ARHGEF10: variants seen among roughly 807,000 people sequenced by gnomAD.
ARHGEF10 encodes Rho guanine nucleotide exchange factor (GEF) 10.
ARHGEF10 carries 140 observed loss-of-function variants against 147.4 expected under a neutral mutation model. The observed-to-expected ratio is 0.95, with a 90% confidence interval of 0.83 to 1.09. The LOEUF (loss-of-function observed/expected upper bound fraction) is 1.09. Among genes scored for constraint, ARHGEF10 ranks in the 50% least tolerant of loss-of-function variants. The pLI, the probability that ARHGEF10 is intolerant of heterozygous loss-of-function variation, is 0.00. For synonymous variants in ARHGEF10, 902 were observed against 695.8 expected (o/e 1.30, Z -4.67); for missense variants, 2,222 against 1,752.7 (o/e 1.27, Z -4.78).
upstream of ARHGEF10, among the ~76,000 whole-genome samples, chr8:1,823,449 T>G (rs188342527): frequency 0.31 from 46,001 of 149,036 alleles, 7,069 homozygotes; most frequent in Middle Eastern, 0.38. Context: ...GGCGATGTTC[T>G]GGGGGGGGGA....
At chr8:1,951,918 G>GCCACCTTGAGGCGGGGTCTTCCCTGTAA (rs1815081913) in intron 27 of ARHGEF10, among the ~76,000 whole-genome samples, 2 of 135,404 alleles carry the variant, frequency 1.5e-5, no homozygotes, top group Admixed American at 7.2e-5. Context: ...CTTCCTTGTA[G>GCCACCTTGAGGCGGGGTCTTCCCTGTAA]CCACCGTGAG....
intron 7 of ARHGEF10, chr8:1,870,677 C>T (rs983604565): frequency 1.3e-5 from 2 of 152,156 alleles, no homozygotes; most frequent in Admixed American, 1.3e-4. Flanking sequence ...TATAACAGTT[C>T]TAAACTCATA....
At position 1,922,958 on chromosome 8, in the gene ARHGEF10, T is replaced by C; in HGVS notation, c.2144-6T>C. The C allele has an allele frequency of 6.3e-7, 1 of 1,597,080 alleles. No individual in the cohort carries two copies. The highest frequency in any genetic ancestry group is 1.1e-5 in the South Asian group (1 of 90,644). Reference sequence around the variant, plus strand: ...TTCTTTTTTTTTCTTTTTGCTTATTTTGTAGACAAAGTTTACATGGGGCCA... The same window carrying C: ...TTCTTTTTTTTTCTTTTTGCTTATTCTGTAGACAAAGTTTACATGGGGCCA... On this transcript the variant is annotated splice_polypyrimidine_tract_variant and splice_region_variant and intron_variant, in intron 18 of 28. Coordinates refer to ENST00000349830, the MANE Select transcript of ARHGEF10 (RefSeq NM_014629.4).
chr8:1,899,387 A>G (rs1810278244), intron 15 of ARHGEF10, among the ~76,000 whole-genome samples: 1 of 152,190 alleles, frequency 6.6e-6, no homozygotes, highest in Non-Finnish European at 1.5e-5. Flanking sequence ...AAATCAGAGG[A>G]CTTTGCTTGG....
rs1228264300 is a variant in ARHGEF10 at position 1,945,839 on chromosome 8, C to T, written c.3397+184C>T. The T allele has an allele frequency of 4.3e-6, 4 of 936,160 alleles. No homozygotes were observed. In the African/African-American group the frequency reaches 6.6e-5, roughly 16 times the overall value. The allele number at this position is 936,160 out of a possible 1,614,324, so 58.0% of individuals were successfully genotyped here. On this transcript the variant is annotated intron_variant, in intron 27 of 28. Transcript: ENST00000349830. ...GGGAGTACGGAGCATGGTCAGCCCA[C>T]TTTAGCGCTTCCCGGTGCAGGGCAC...
rs193129518 is a variant in ARHGEF10 at position 1,899,977 on chromosome 8, C to T, written c.1650+1452C>T. Among the ~76,000 whole-genome samples the T allele has an allele frequency of 4.0e-3, 608 of 152,300 alleles. 2 individuals carry two copies. Among genetic ancestry groups the T allele is most frequent in the African/African-American group, 0.014 (563 of 41,564 alleles). On this transcript the variant is annotated intron_variant, in intron 15 of 28. Coordinates refer to ENST00000349830, the MANE Select transcript of ARHGEF10 (RefSeq NM_014629.4). ...CCCACATGCCCTGTGTTTAGCGATGCGCCAGTGAGTCCCTGGGTCGTTCTT... is the reference window on the plus strand; with the variant it reads ...CCCACATGCCCTGTGTTTAGCGATGTGCCAGTGAGTCCCTGGGTCGTTCTT...
chr8:1,830,844 C>T (rs373587173), intron 1 of ARHGEF10, among the ~76,000 whole-genome samples: 3 of 152,302 alleles, frequency 2.0e-5, no homozygotes, highest in East Asian at 3.9e-4. Flanking sequence ...CCATGGCAGG[C>T]GAGGCGCCAA....
intron 26 of ARHGEF10, 103 bp from the exon 27 acceptor site, chr8:1,945,378 T>C: frequency 7.3e-7 from 1 of 1,371,288 alleles, no homozygotes; most frequent in South Asian, 1.2e-5. Flanking sequence ...GCTACTGTGT[T>C]GCAGCCACTG....
At chr8:1,842,231 G>C (rs1804151957) in intron 1 of ARHGEF10, among the ~76,000 whole-genome samples, 1 of 152,072 alleles carries the variant, frequency 6.6e-6, no homozygotes, top group African/African-American at 2.4e-5. Context: ...ACTGGGCTGG[G>C]AATACAGGAG....
intron 1 of ARHGEF10, among the ~76,000 whole-genome samples, chr8:1,842,028 GC>G (rs1804124400): frequency 1.1e-5 from 1 of 92,688 alleles, no homozygotes; most frequent in Non-Finnish European, 2.2e-5. Flanking sequence ...GGGAACTGGG[GC>G]CGCGGCGGGA....
At position 1,909,437 on chromosome 8, in the gene ARHGEF10, G is replaced by A. The variant is rs564477260; in HGVS notation, c.2110G>A (p.Glu704Lys). ...CAGGCACCTTGCCGTTCACCCGCCGGAGAGCCTGGCCGTGGTTGCTAACGC... is the reference window on the plus strand; with the variant it reads ...CAGGCACCTTGCCGTTCACCCGCCGAAGAGCCTGGCCGTGGTTGCTAACGC... ...HSRHLAVHPP[E>K]SLAVVANAKP... The change falls in exon 18 of 29, where the codon GAG becomes AAG. Residue 704 changes from glutamate to lysine, a missense_variant. Coordinates refer to ENST00000349830, the MANE Select transcript of ARHGEF10 (RefSeq NM_014629.4). 1 of 1,614,146 alleles carries A rather than the reference G, an allele frequency of 6.2e-7. No homozygotes were observed. Among genetic ancestry groups the A allele is most frequent in the African/African-American group, 1.3e-5 (1 of 75,072 alleles).
chr8:1,935,217 C>A (rs1052554788), intron 26 of ARHGEF10, among the ~76,000 whole-genome samples: 1 of 152,076 alleles, frequency 6.6e-6, no homozygotes, highest in East Asian at 1.9e-4. Flanking sequence ...GCACACCCCC[C>A]ACAACCCCCC....
intron 28 of ARHGEF10, among the ~76,000 whole-genome samples, chr8:1,955,593 T>A (rs1159240285): frequency 4.1e-4 from 62 of 151,106 alleles, no homozygotes; most frequent in Non-Finnish European, 4.4e-5. Flanking sequence ...TGAAAGGAGG[T>A]GCACTCTCAC....
chr8:1,890,049 A>G lies in ARHGEF10; in HGVS notation c.1183-3520A>G, dbSNP rs567019810. ...GGGGTATTGAGACACTGAGTGGGGTAAGGAGTCTGTGCGGAGACACCGAGT... is the reference window on the plus strand; with the variant it reads ...GGGGTATTGAGACACTGAGTGGGGTGAGGAGTCTGTGCGGAGACACCGAGT... On this transcript the variant is annotated intron_variant, in intron 11 of 28. Coordinates refer to ENST00000349830, the MANE Select transcript of ARHGEF10 (RefSeq NM_014629.4). 4.4e-5 allele frequency among the ~76,000 whole-genome samples: 6 copies of G among 136,798 alleles called. No individual in the cohort carries two copies. The East Asian group carries it at 7.2e-4, about 17-fold the overall frequency. The allele number at this position is 136,798 out of a possible 152,430, so 89.7% of individuals were successfully genotyped here. A position where few individuals can be genotyped will look rare whatever the true frequency, so the allele number is the denominator to read the frequency against.
At chr8:1,909,156 C>T in intron 17 of ARHGEF10, 139 bp from the exon 18 acceptor site, 2 of 1,263,706 alleles carry the variant, frequency 1.6e-6, no homozygotes, top group Non-Finnish European at 2.3e-6. Context: ...AAGTCAGAAG[C>T]ACAATTACTA....
chr8:1,853,634 C>G (rs547541214), intron 2 of ARHGEF10, among the ~76,000 whole-genome samples: 1 of 152,238 alleles, frequency 6.6e-6, no homozygotes, highest in East Asian at 1.9e-4. Context: ...TGGCTCCCGC[C>G]AGGGCCCTGA....
Position 1,852,704 on chromosome 8 carries a change from A to G in ARHGEF10, c.38-5256A>G, listed in dbSNP as rs1395676053. ...AACGTAATGTTTCTTAAAGTTTTCT[A>G]TTTCATAACTTGTTTTAGAAATGTG... On this transcript the variant is annotated intron_variant, in intron 2 of 28. Coordinates refer to ENST00000349830, the MANE Select transcript of ARHGEF10 (RefSeq NM_014629.4). 2.6e-5 allele frequency among the ~76,000 whole-genome samples: 4 copies of G among 152,228 alleles called. 1 individual carries two copies. The highest frequency in any genetic ancestry group is 1.9e-4 in the East Asian group (1 of 5,200).
At chr8:1,825,596 C>G (rs926641619) in intron 1 of ARHGEF10, among the ~76,000 whole-genome samples, 1 of 151,560 alleles carries the variant, frequency 6.6e-6, no homozygotes, top group Non-Finnish European at 1.5e-5. Flanking sequence ...CACAGACGCC[C>G]TGCCCACCTG....
intron 5 of ARHGEF10, among the ~76,000 whole-genome samples, chr8:1,864,763 C>A (rs531623787): frequency 6.6e-6 from 1 of 152,336 alleles, no homozygotes; most frequent in East Asian, 1.9e-4. Context: ...CAGGGTAAAG[C>A]GTCCCCCGTG....
Sources: gnomAD v4.1 joint callset for allele counts (sites outside exome capture counted in the v4.1 genomes callset) on GRCh38, gnomAD v4.1.1 for gene constraint, MANE v1.5 for transcripts, NCBI Gene and HGNC (gene_info 2026-07-23, HGNC 2026-07-21) for gene names.